The following TMEM38A variants were observed in gnomAD, a reference collection of about 807,000 sequenced individuals.
The protein encoded by TMEM38A is trimeric intracellular cation channel type A.
In TMEM38A, 17 loss-of-function variants were observed where a neutral mutation model predicts 28.6. That is an observed-to-expected ratio of 0.60 (90% confidence interval 0.41 to 0.89). TMEM38A has a LOEUF of 0.89. Ranked by LOEUF, TMEM38A falls within the 40% of genes least tolerant of loss-of-function variation. The pLI, the probability that TMEM38A is intolerant of heterozygous loss-of-function variation, is 0.00. For synonymous variants in TMEM38A, 169 were observed against 166.1 expected (o/e 1.02, Z -0.14); for missense variants, 328 against 393.1 (o/e 0.83, Z 1.40).
intron 1 of TMEM38A, among the ~76,000 whole-genome samples, chr19:16,664,773 C>T (rs1435911366): frequency 6.6e-6 from 1 of 151,798 alleles, no homozygotes; most frequent in African/African-American, 2.4e-5. Flanking sequence ...AACAGAGCAG[C>T]ATCAATGTTG....
At chr19:16,673,801 A>G (rs1340184784) in intron 1 of TMEM38A, among the ~76,000 whole-genome samples, 7 of 152,136 alleles carry the variant, frequency 4.6e-5, no homozygotes, top group Admixed American at 3.9e-4. Flanking sequence ...GTCACCAGAA[A>G]TGCGCAGGCC....
rs542208742 is a variant in TMEM38A at position 16,681,699 on chromosome 19, C to T, written c.467-722C>T. ...CTGTGCATTATACAATGGTGAGCCA[C>T]CTCCCTGGCCTCGACTCACTAAATA... On this transcript the variant is annotated intron_variant, in intron 3 of 5. Coordinates refer to ENST00000187762, the MANE Select transcript of TMEM38A (RefSeq NM_024074.4). Among the ~76,000 whole-genome samples the T allele has an allele frequency of 2.6e-5, 4 of 152,290 alleles. No individual in the cohort carries two copies. The South Asian group carries it at 6.2e-4, about 24-fold the overall frequency.
intron 1 of TMEM38A, among the ~76,000 whole-genome samples, chr19:16,678,596 C>T (rs2086763285): frequency 6.6e-6 from 1 of 151,468 alleles, no homozygotes; most frequent in South Asian, 2.1e-4. Context: ...CCCGTGCCTA[C>T]TTTAAATATA....
At position 16,661,440 on chromosome 19, in the gene TMEM38A, G is replaced by C. The variant is rs2086677182; in HGVS notation, c.124+99G>C. 7.4e-6 allele frequency: 8 copies of C among 1,087,172 alleles called. No individual in the cohort carries two copies. The highest frequency in any genetic ancestry group is 2.5e-4 in the Middle Eastern group (1 of 3,924). The allele number at this position is 1,087,172 out of a possible 1,614,324, so 67.3% of individuals were successfully genotyped here. Reference sequence around the variant, plus strand: ...AGGGGAAGCCCGTGCGTGGTGGAGGGAGCGAGGGACAGGTTCAAGGATTGC... The same window carrying C: ...AGGGGAAGCCCGTGCGTGGTGGAGGCAGCGAGGGACAGGTTCAAGGATTGC... On this transcript the variant is annotated intron_variant, in intron 1 of 5. Transcript: ENST00000187762. The surrounding 1 kb of genome is among the most constrained non-coding windows in gnomAD (Gnocchi z 6.5).
intron 1 of TMEM38A, 41 bp from the exon 2 acceptor site, chr19:16,679,943 G>C (rs771922878): frequency 1.3e-6 from 2 of 1,558,174 alleles, no homozygotes; most frequent in East Asian, 4.5e-5. Flanking sequence ...GCCTGCCCTT[G>C]GCATGCTGGT....
At chr19:16,678,248 G>C (rs1326198088) in intron 1 of TMEM38A, among the ~76,000 whole-genome samples, 1 of 152,032 alleles carries the variant, frequency 6.6e-6, no homozygotes, top group Non-Finnish European at 1.5e-5. Flanking sequence ...GGCCAACATG[G>C]TGAACCCCCA....
In TMEM38A at chr19:16,661,241, CCTGGGCGAACTGG is replaced by C; in HGVS notation, c.26_38del (p.Leu9ArgfsTer65). ...CCATGGAGCTGCTCTCGGCGCTGAGCCTGGGCGAACTGGCGCTCAGCTTCTCGCGGGTGCCGCT... is the reference window on the plus strand; with the variant it reads ...CCATGGAGCTGCTCTCGGCGCTGAGCCGCTCAGCTTCTCGCGGGTGCCGCT... On this transcript the variant is annotated frameshift_variant, in exon 1 of 6. Coordinates refer to ENST00000187762, the MANE Select transcript of TMEM38A (RefSeq NM_024074.4). LOFTEE classifies it high-confidence loss of function. This position sits in a 1 kb window ranked among gnomAD's most constrained non-coding sequence, Gnocchi z 6.5. The C allele has an allele frequency of 6.3e-7, 1 of 1,586,378 alleles. No individual in the cohort carries two copies. Among genetic ancestry groups the C allele is most frequent in the African/African-American group, 1.4e-5 (1 of 72,930 alleles).
intron 1 of TMEM38A, among the ~76,000 whole-genome samples, chr19:16,678,623 C>T (rs1282274862): frequency 6.6e-6 from 1 of 151,102 alleles, no homozygotes; most frequent in Non-Finnish European, 1.5e-5. Flanking sequence ...ATTAGCCTGG[C>T]ATGGTGGCGC....
At chr19:16,683,976 A>AAAC (rs2086791657) in intron 4 of TMEM38A, among the ~76,000 whole-genome samples, 1 of 149,976 alleles carries the variant, frequency 6.7e-6, no homozygotes, top group African/African-American at 2.5e-5. Flanking sequence ...ATCTCAAAAA[A>AAAC]AAAAAATTAA....
At chr19:16,666,828 C>T (rs2086705037) in intron 1 of TMEM38A, among the ~76,000 whole-genome samples, 1 of 151,952 alleles carries the variant, frequency 6.6e-6, no homozygotes, top group African/African-American at 2.4e-5. Context: ...TGGCGGGCTC[C>T]TGTAATCCCA....
rs561988026 is a variant in TMEM38A at position 16,688,375 on chromosome 19, G to T, written c.*4G>T. The T allele has an allele frequency of 2.5e-6, 4 of 1,571,730 alleles. No individual in the cohort carries two copies. Among genetic ancestry groups the T allele is most frequent in the African/African-American group, 1.4e-5 (1 of 73,862 alleles). On this transcript the variant is annotated 3_prime_UTR_variant, in exon 6 of 6. Coordinates refer to ENST00000187762, the MANE Select transcript of TMEM38A (RefSeq NM_024074.4). ...GAAGGCCAAGAAGGCGGATTAGGGG[G>T]TGGCCCAAGGGGCACCGGGGAGAGG...
chr19:16,661,597 C>G lies in TMEM38A; in HGVS notation c.124+256C>G, dbSNP rs1352756212. ...GTGCGCGGGTTTAGAGGAGGGGGAA[C>G]AGGTGCTTGGGGTCGGGGCTCCTGG... On this transcript the variant is annotated intron_variant, in intron 1 of 5. Coordinates refer to ENST00000187762, the MANE Select transcript of TMEM38A (RefSeq NM_024074.4). This position sits in a 1 kb window ranked among gnomAD's most constrained non-coding sequence, Gnocchi z 6.5. 6.6e-6 allele frequency among the ~76,000 whole-genome samples: 1 copy of G among 151,758 alleles called. No individual in the cohort carries two copies. The highest frequency in any genetic ancestry group is 1.5e-5 in the Non-Finnish European group (1 of 67,954).
chr19:16,670,603 G>A (rs939081061), intron 1 of TMEM38A, among the ~76,000 whole-genome samples: 7 of 152,104 alleles, frequency 4.6e-5, no homozygotes, highest in African/African-American at 1.4e-4. Flanking sequence ...TATAGATCTG[G>A]TGTGGTCACC....
chr19:16,688,360 A>G lies in TMEM38A; in HGVS notation c.889A>G (p.Lys297Glu), dbSNP rs1471199651. The change falls in exon 6 of 6, where the codon AAG (lysine) becomes GAG (glutamate). Residue 297 changes from lysine (K) to glutamate (E), a missense_variant. Coordinates refer to ENST00000187762, the MANE Select transcript of TMEM38A (RefSeq NM_024074.4). ...SEGSRKKKAKKAD is the reference protein window; with the variant it reads ...SEGSRKKKAKEAD ...GGGCTCCAGGAAGAAGAAGGCCAAGAAGGCGGATTAGGGGGTGGCCCAAGG... is the reference window on the plus strand; with the variant it reads ...GGGCTCCAGGAAGAAGAAGGCCAAGGAGGCGGATTAGGGGGTGGCCCAAGG... The G allele has an allele frequency of 6.3e-7, 1 of 1,586,836 alleles. No homozygotes were observed. The highest frequency in any genetic ancestry group is 2.3e-5 in the East Asian group (1 of 43,510).
Position 16,671,201 on chromosome 19 carries a change from C to CTTTTTTTTTTTTTTT in TMEM38A, c.125-8775_125-8761dup, listed in dbSNP as rs34550977. Among the ~76,000 whole-genome samples, 615 of 84,834 alleles carry CTTTTTTTTTTTTTTT rather than the reference C, an allele frequency of 7.2e-3. 61 individuals are homozygous for CTTTTTTTTTTTTTTT. The highest frequency in any genetic ancestry group is 0.024 in the African/African-American group (358 of 15,120). 55.7% of individuals were successfully genotyped at this position (84,834 alleles called of 152,430 possible). A position where few individuals can be genotyped will look rare whatever the true frequency, so the allele number is the denominator to read the frequency against. ...GTATGGAAAGGGGAAAGGACCTGGGCTTTTTTTTTTTTTTTTTTTTTTGAG... is the reference window on the plus strand; with the variant it reads ...GTATGGAAAGGGGAAAGGACCTGGGCTTTTTTTTTTTTTTTTTTTTTTTTTTTTTTTTTTTTTGAG... On this transcript the variant is annotated intron_variant, in intron 1 of 5. Transcript: ENST00000187762.
chr19:16,664,441 A>G (rs970498322), intron 1 of TMEM38A, among the ~76,000 whole-genome samples: 1 of 152,012 alleles, frequency 6.6e-6, no homozygotes, highest in Non-Finnish European at 1.5e-5. Flanking sequence ...GAAAGAAAGA[A>G]AAGAAAAGTG....
chr19:16,673,912 A>C (rs1260547934), intron 1 of TMEM38A, among the ~76,000 whole-genome samples: 1 of 150,848 alleles, frequency 6.6e-6, no homozygotes, highest in African/African-American at 2.5e-5. Context: ...ACACAGTGAG[A>C]TCCTATCTTT....
intron 1 of TMEM38A, 112 bp from the exon 2 acceptor site, chr19:16,679,872 T>C (rs1469811340): frequency 1.5e-5 from 17 of 1,159,890 alleles, no homozygotes; most frequent in Non-Finnish European, 1.6e-5. Context: ...ACTTACAAAC[T>C]GCACAGTGTT....
chr19:16,677,832 A>G (rs57249006), intron 1 of TMEM38A, among the ~76,000 whole-genome samples: 3,360 of 152,250 alleles, frequency 0.022, 130 homozygotes, highest in African/African-American at 0.077. Context: ...TGTTGGGATT[A>G]CAAGTGTGAG....
Sources: gnomAD v4.1 joint callset for allele counts (sites outside exome capture counted in the v4.1 genomes callset) on GRCh38, gnomAD v4.1.1 for gene constraint, Gnocchi (gnomAD v3.1) non-coding constraint, MANE v1.5 for transcripts, NCBI Gene and HGNC (gene_info 2026-07-23, HGNC 2026-07-21) for gene names.